The following ZNF609 variants were observed in gnomAD, a reference collection of about 807,000 sequenced individuals.
ZNF609 encodes the protein zinc finger protein 609.
In ZNF609, 11 loss-of-function variants were observed where a neutral mutation model predicts 109.5. The observed-to-expected ratio is 0.10, with a 90% CI of 0.06 to 0.17. The LOEUF is 0.17. Ranked by LOEUF, ZNF609 falls within the 10% of genes least tolerant of loss-of-function variation. The probability of loss-of-function intolerance (pLI) is 1.00; values close to 1 mark genes in which losing one functional copy is unlikely to be tolerated. For missense variants in ZNF609, 1,559 were observed against 1,772.4 expected (o/e 0.88, Z 2.16); for synonymous variants, 646 against 662.0 (o/e 0.98, Z 0.37).
At chr15:64,556,757 C>G in intron 2 of ZNF609, among the ~76,000 whole-genome samples, 1 of 152,032 alleles carries the variant, frequency 6.6e-6, no homozygotes, top group East Asian at 1.9e-4. Flanking sequence ...CGATTTTTAG[C>G]CTCTGTAATA....
intron 2 of ZNF609, among the ~76,000 whole-genome samples, chr15:64,538,649 C>T (rs567478786): frequency 5.0e-4 from 75 of 150,304 alleles, no homozygotes; most frequent in African/African-American, 1.7e-3. Flanking sequence ...TGGGTTCAAG[C>T]GATTCTCTTG....
chr15:64,464,979 A>T (rs1401780659), intron 1 of ZNF609, among the ~76,000 whole-genome samples: 1 of 152,198 alleles, frequency 6.6e-6, no homozygotes, highest in Non-Finnish European at 1.5e-5. Context: ...TAAGATGGTA[A>T]TAGAATAGAG....
intron 2 of ZNF609, among the ~76,000 whole-genome samples, chr15:64,604,843 A>AT (rs1290445802): frequency 6.6e-6 from 1 of 151,560 alleles, no homozygotes; most frequent in African/African-American, 2.4e-5. Flanking sequence ...TTATTTATTT[A>AT]TTTTTTGAGA....
At position 64,683,894 on chromosome 15, in the gene ZNF609, A is replaced by G. The variant is rs2083226065; in HGVS notation, c.*2208A>G. The G allele has an allele frequency of 6.6e-6, 1 of 152,024 alleles. No homozygotes were observed. The highest frequency in any genetic ancestry group is 1.5e-5 in the Non-Finnish European group (1 of 67,992). 9.4% of individuals were successfully genotyped at this position (152,024 alleles called of 1,614,324 possible). ...ATGGCCCTGCATTCCTGCCCTTTCC[A>G]CTCATTCTGTAACACAGAGGACGAA... is the stretch of plus-strand genomic sequence containing the variant. On this transcript the variant is annotated 3_prime_UTR_variant, in exon 10 of 10. Coordinates refer to ENST00000326648, the MANE Select transcript of ZNF609 (RefSeq NM_015042.2).
chr15:64,623,076 C>T, intron 3 of ZNF609, 24 bp downstream of exon 3: 1 of 1,607,178 alleles, frequency 6.2e-7, no homozygotes, highest in Non-Finnish European at 8.5e-7. Flanking sequence ...GTGGCTTTCC[C>T]CTCCCTTCTC....
chr15:64,579,874 C>G (rs963478695), intron 2 of ZNF609, among the ~76,000 whole-genome samples: 15 of 152,134 alleles, frequency 9.9e-5, no homozygotes, highest in African/African-American at 3.1e-4. Context: ...ATAAAAAATA[C>G]ATTTATACAG....
At chr15:64,624,942 T>C (rs150421776) in intron 3 of ZNF609, among the ~76,000 whole-genome samples, 2,256 of 152,032 alleles carry the variant, frequency 0.015, 24 homozygotes, top group Non-Finnish European at 0.023. Context: ...GTATTTTTAG[T>C]AGAGATGGGG....
At chr15:64,622,747 G>A in intron 2 of ZNF609, 80 bp from the exon 3 acceptor site, 1 of 1,221,788 alleles carries the variant, frequency 8.2e-7, no homozygotes, top group Non-Finnish European at 1.2e-6. Context: ...ATAGATATAG[G>A]ACTAGATTAA....
intron 3 of ZNF609, among the ~76,000 whole-genome samples, chr15:64,646,570 GT>G (rs1896336754): frequency 2.1e-5 from 3 of 145,018 alleles, no homozygotes; most frequent in Admixed American, 7.2e-5. Flanking sequence ...GGAGGTAGAG[GT>G]TGCAGTGAGC....
chr15:64,560,741 G>A (rs766574932), intron 2 of ZNF609, among the ~76,000 whole-genome samples: 2 of 152,156 alleles, frequency 1.3e-5, no homozygotes, highest in Non-Finnish European at 2.9e-5. Flanking sequence ...TAGATTATGG[G>A]AACAAGGAGT....
intron 1 of ZNF609, among the ~76,000 whole-genome samples, chr15:64,486,128 T>C (rs144061171): frequency 6.6e-6 from 1 of 152,318 alleles, no homozygotes; most frequent in East Asian, 1.9e-4. Context: ...ACAATAAGAT[T>C]TTTGATAAAT....
intron 5 of ZNF609, among the ~76,000 whole-genome samples, chr15:64,676,747 T>TTTTATTTA (rs962643439): frequency 6.6e-6 from 1 of 151,648 alleles, no homozygotes; most frequent in Non-Finnish European, 1.5e-5. Context: ...TTTTATTTTA[T>TTTTATTTA]TTTATTTATT....
chr15:64,490,599 G>A (rs1893400492), intron 1 of ZNF609, among the ~76,000 whole-genome samples: 1 of 151,832 alleles, frequency 6.6e-6, no homozygotes, highest in African/African-American at 2.4e-5. Context: ...TTTTTTAATT[G>A]TTTACCTCAG....
intron 3 of ZNF609, among the ~76,000 whole-genome samples, chr15:64,651,929 C>T (rs1375570042): frequency 6.6e-6 from 1 of 152,098 alleles, no homozygotes; most frequent in Non-Finnish European, 1.5e-5. Context: ...TCTCATTAAC[C>T]AGTGTTGTCA....
intron 1 of ZNF609, among the ~76,000 whole-genome samples, chr15:64,474,866 G>A (rs1893144189): frequency 6.6e-6 from 1 of 152,070 alleles, no homozygotes; most frequent in Non-Finnish European, 1.5e-5. Flanking sequence ...GGTTCCCATT[G>A]CCTACATAGG....
At chr15:64,680,505 A>G (rs949491635) in intron 7 of ZNF609, 141 bp from the exon 8 acceptor site, 1 of 1,289,310 alleles carries the variant, frequency 7.8e-7, no homozygotes, top group Non-Finnish European at 1.1e-6. Flanking sequence ...CATCTTCTTT[A>G]TTCTTAGGTA....
At position 64,674,434 on chromosome 15, in the gene ZNF609, C is replaced by T. The variant is rs368034202; in HGVS notation, c.1580C>T (p.Pro527Leu). 28 of 1,614,180 alleles carry T rather than the reference C, an allele frequency of 1.7e-5. No homozygotes were observed. Among genetic ancestry groups the T allele is most frequent in the Middle Eastern group, 1.6e-4 (1 of 6,062 alleles). ...GCCCATACAGATGATGACAGCAAGC[C>T]GGAAGCGGATGGGGACAGTGAGTAC... ...AHAHTDDDSK[P>L]EADGDSEYGE... The change falls in exon 5 of 10, where the codon CCG (proline) becomes CTG (leucine). Residue 527 changes from proline (P) to leucine (L), a missense_variant. By Grantham distance (98) the Pro-to-Leu change is moderately conservative. Transcript: ENST00000326648.
chr15:64,512,594 A>G (rs1001434855), intron 2 of ZNF609, among the ~76,000 whole-genome samples: 43 of 152,340 alleles, frequency 2.8e-4, no homozygotes, highest in African/African-American at 9.4e-4. Flanking sequence ...TGTTTTAGGA[A>G]GAGGAAATAT....
intron 1 of ZNF609, among the ~76,000 whole-genome samples, chr15:64,465,196 A>G (rs1372277102): frequency 6.6e-6 from 1 of 152,220 alleles, no homozygotes; most frequent in African/African-American, 2.4e-5. Flanking sequence ...ATGGTGAAAA[A>G]GATTTAGCCT....
Sources: allele counts gnomAD v4.1 joint callset (sites outside exome capture counted in the v4.1 genomes callset), GRCh38; gene constraint gnomAD v4.1.1; transcripts MANE v1.5; gene names NCBI Gene and HGNC (gene_info 2026-07-23, HGNC 2026-07-21).